Variants in DLGAP4 observed in about 807,000 individuals in gnomAD.
DLGAP4 encodes DLG associated protein 4.
DLGAP4 carries 18 observed loss-of-function variants against 86.9 expected under a neutral mutation model. That is an observed-to-expected ratio of 0.21 (90% CI 0.14 to 0.31). The LOEUF (loss-of-function observed/expected upper bound fraction) is 0.31, where lower values mean the gene tolerates loss of function less well. Among genes scored for constraint, DLGAP4 ranks in the 10% least tolerant of loss-of-function variants. DLGAP4 has a pLI of 1.00. For synonymous variants in DLGAP4, 548 were observed against 574.3 expected, an observed-to-expected ratio of 0.95 and a Z score of 0.65; for missense variants, 1,085 against 1,362.6, an observed-to-expected ratio of 0.80 and a Z score of 3.21.
chr20:36,504,455 G>T (rs2036276841), intron 10 of DLGAP4, among the ~76,000 whole-genome samples: 1 of 152,152 alleles, frequency 6.6e-6, no homozygotes, highest in Non-Finnish European at 1.5e-5. Context: ...TTTGGCTATT[G>T]TGAGTAATGC....
intron 2 of DLGAP4, among the ~76,000 whole-genome samples, chr20:36,387,695 A>G (rs1228565477): frequency 6.6e-6 from 1 of 152,076 alleles, no homozygotes; most frequent in African/African-American, 2.4e-5. Context: ...TGAAATAGGG[A>G]TCTGATTTCA....
chr20:36,384,253 G>A (rs1214008791), intron 2 of DLGAP4, among the ~76,000 whole-genome samples: 1 of 152,060 alleles, frequency 6.6e-6, no homozygotes, highest in African/African-American at 2.4e-5. Context: ...TGGTCCCGAC[G>A]CCTGGGGGTG....
chr20:36,526,200 T>C, intron 12 of DLGAP4, 194 bp downstream of exon 12: 1 of 757,518 alleles, frequency 1.3e-6, no homozygotes, highest in South Asian at 1.6e-5. Context: ...TAGTTGAGGC[T>C]GCCCCTGAAG....
At chr20:36,523,544 TAA>T (rs1739424292) in intron 10 of DLGAP4, among the ~76,000 whole-genome samples, 1 of 152,168 alleles carries the variant, frequency 6.6e-6, no homozygotes, top group African/African-American at 2.4e-5. Context: ...ACGGAATATA[TAA>T]AAAAGGGATT....
chr20:36,484,845 C>T lies in DLGAP4; in HGVS notation c.1649-11860C>T, dbSNP rs73105136. Among the ~76,000 whole-genome samples, 661 of 152,378 alleles carry T rather than the reference C, an allele frequency of 4.3e-3. 5 individuals carry two copies. The highest frequency in any genetic ancestry group is 6.0e-3 in the Non-Finnish European group (407 of 68,036). On this transcript the variant is annotated intron_variant, in intron 7 of 12. Transcript: ENST00000339266. ...CCATGGGCCACTGCCGCTGCACGTG[C>T]ACCTGCATTGTATTTCTTAAAATTA...
chr20:36,431,859 G>A lies in DLGAP4; in HGVS notation c.142G>A (p.Gly48Arg), dbSNP rs372068452. The A allele has an allele frequency of 1.3e-5, 21 of 1,613,932 alleles. No homozygotes were observed. The East Asian group carries it at 1.6e-4, about 12-fold the overall frequency. ...CTTCGCCCGCGAGGCCCGCTTCCCC[G>A]GGCAGAACACCCTGCCAGGAGATGG... ...EAFAREARFP[G>R]QNTLPGDGLF... Residue 48 changes from glycine to arginine, a missense_variant, in exon 3 of 13, where the codon GGG becomes AGG. Transcript: ENST00000339266. The surrounding 1 kb of genome is among the most constrained non-coding windows in gnomAD (Gnocchi z 5.1).
chr20:36,318,504 C>G (rs1205740659), intron 1 of DLGAP4, among the ~76,000 whole-genome samples: 13 of 152,290 alleles, frequency 8.5e-5, no homozygotes, highest in African/African-American at 3.1e-4. Context: ...TCCCGAGTAG[C>G]TGGGACTACA....
At chr20:36,407,703 G>A (rs1262235839) in intron 2 of DLGAP4, among the ~76,000 whole-genome samples, 1 of 152,102 alleles carries the variant, frequency 6.6e-6, no homozygotes, top group Admixed American at 6.5e-5. Flanking sequence ...TGGAGGAGAT[G>A]GTGTGTGTGC....
At chr20:36,388,488 A>C (rs1030261251) in intron 2 of DLGAP4, among the ~76,000 whole-genome samples, 1 of 151,538 alleles carries the variant, frequency 6.6e-6, no homozygotes, top group African/African-American at 2.4e-5. Context: ...TTTCCCCTCC[A>C]CCTCAACTCT....
intron 7 of DLGAP4, among the ~76,000 whole-genome samples, chr20:36,475,865 TTTTG>T (rs1807738687): frequency 6.6e-6 from 1 of 152,060 alleles, no homozygotes; most frequent in African/African-American, 2.4e-5. Flanking sequence ...TTAACCTTTT[TTTTG>T]TTTGTTTTGA....
chr20:36,504,804 G>A (rs774279686), intron 10 of DLGAP4, among the ~76,000 whole-genome samples: 23 of 152,288 alleles, frequency 1.5e-4, no homozygotes, highest in Middle Eastern at 6.8e-3. Flanking sequence ...TGTCTTCTTG[G>A]AAGAAATGGC....
At chr20:36,389,308 A>T (rs1228244547) in intron 2 of DLGAP4, among the ~76,000 whole-genome samples, 1 of 152,134 alleles carries the variant, frequency 6.6e-6, no homozygotes, top group Non-Finnish European at 1.5e-5. Context: ...AGTGGTTAAG[A>T]AGGCTTGTTC....
chr20:36,505,107 C>G (rs1450856701), intron 10 of DLGAP4, among the ~76,000 whole-genome samples: 1 of 152,070 alleles, frequency 6.6e-6, no homozygotes, highest in Non-Finnish European at 1.5e-5. Context: ...CCTGCCTCAG[C>G]CTCCTGAGTA....
chr20:36,515,248 G>A (rs1340638452), intron 10 of DLGAP4, among the ~76,000 whole-genome samples: 1 of 152,160 alleles, frequency 6.6e-6, no homozygotes, highest in Admixed American at 6.5e-5. Context: ...GTTTAGAATT[G>A]TAATATTCCT....
intron 1 of DLGAP4, among the ~76,000 whole-genome samples, chr20:36,334,766 G>A (rs537738787): frequency 1.3e-5 from 2 of 152,184 alleles, no homozygotes; most frequent in South Asian, 2.1e-4. Flanking sequence ...CTGGAGACAC[G>A]GCAGCTAAGG....
intron 1 of DLGAP4, among the ~76,000 whole-genome samples, chr20:36,354,091 C>A (rs62213225): frequency 6.6e-6 from 1 of 152,024 alleles, no homozygotes; most frequent in African/African-American, 2.4e-5. Flanking sequence ...AGTTCTGTGC[C>A]GGCCGGCCTC....
chr20:36,317,281 TTTCTTTCTTTC>T, intron 1 of DLGAP4, among the ~76,000 whole-genome samples: 1 of 7,206 alleles, frequency 1.4e-4, no homozygotes, highest in Non-Finnish European at 2.7e-4. Flanking sequence ...CTTTCTTATC[TTTCTTTCTTTC>T]TTATCTTTCT....
rs557933849 is a variant in DLGAP4 at position 36,436,467 on chromosome 20, G to GC, written c.1241+122dup. 121 of 1,408,302 alleles carry GC rather than the reference G, an allele frequency of 8.6e-5. No homozygotes were observed. The African/African-American group carries it at 1.5e-3, about 18-fold the overall frequency. The allele number at this position is 1,408,302 out of a possible 1,614,324, so 87.2% of individuals were successfully genotyped here. Reference sequence around the variant, plus strand: ...TAAGCCCCGCCTGCGTGGGAGCCACGCCCCCTTTGAGCCACGCCCACTCAT... The same window carrying GC: ...TAAGCCCCGCCTGCGTGGGAGCCACGCCCCCCTTTGAGCCACGCCCACTCAT... On this transcript the variant is annotated intron_variant, in intron 4 of 12. Coordinates refer to ENST00000339266, the MANE Select transcript of DLGAP4 (RefSeq NM_001365621.2).
intron 10 of DLGAP4, among the ~76,000 whole-genome samples, chr20:36,509,002 G>A (rs918857153): frequency 2.0e-5 from 3 of 152,228 alleles, no homozygotes; most frequent in Admixed American, 6.5e-5. Flanking sequence ...ATTAAAACCA[G>A]TTGATTTATT....
Sources: gnomAD v4.1 joint callset for allele counts (sites outside exome capture counted in the v4.1 genomes callset) on GRCh38, gnomAD v4.1.1 for gene constraint, Gnocchi (gnomAD v3.1) non-coding constraint, MANE v1.5 for transcripts, NCBI Gene and HGNC (gene_info 2026-07-23, HGNC 2026-07-21) for gene names.